The following POFUT3 variants were observed in gnomAD, a reference collection of about 807,000 sequenced individuals.
POFUT3 encodes the protein protein O-fucosyltransferase 3.
chr8:33,416,368 C>T, the POFUT3 span, among the ~76,000 whole-genome samples: 11 of 152,146 alleles, frequency 7.2e-5, no homozygotes, highest in Admixed American at 2.0e-4. Context: ...TTTGGGAGGC[C>T]GAGGCAGGCA....
chr8:33,324,369 G>A, the POFUT3 span, among the ~76,000 whole-genome samples: 3 of 152,074 alleles, frequency 2.0e-5, no homozygotes, highest in Non-Finnish European at 4.4e-5. Context: ...GGTCTGCCTC[G>A]ATATTGTAAT....
the POFUT3 span, among the ~76,000 whole-genome samples, chr8:33,458,206 C>T: frequency 5.9e-5 from 9 of 152,014 alleles, no homozygotes; most frequent in Non-Finnish European, 2.9e-5. Context: ...AGAGAGGCCA[C>T]AGAAGAAAGA....
the POFUT3 span, among the ~76,000 whole-genome samples, chr8:33,402,283 A>G: frequency 4.6e-5 from 7 of 152,326 alleles, no homozygotes; most frequent in South Asian, 4.1e-4. Context: ...ATACCAACCG[A>G]ATGCTTTTTT....
At chr8:33,372,269 A>C in the POFUT3 span, 3 of 1,083,140 alleles carry the variant, frequency 2.8e-6, no homozygotes, top group Non-Finnish European at 1.1e-6. Context: ...CCTCCATTGC[A>C]CAAGGAAAGT....
At chr8:33,418,257 AACCATAGC>A in the POFUT3 span, among the ~76,000 whole-genome samples, 12 of 152,176 alleles carry the variant, frequency 7.9e-5, no homozygotes, top group Non-Finnish European at 1.3e-4. Flanking sequence ...ACCACCGCTG[AACCATAGC>A]ACAGCCTCCA....
chr8:33,447,110 A>G, the POFUT3 span, among the ~76,000 whole-genome samples: 1 of 152,164 alleles, frequency 6.6e-6, no homozygotes, highest in African/African-American at 2.4e-5. Flanking sequence ...GACCTTTTCA[A>G]CCAGAACACC....
At chr8:33,397,455 T>C in the POFUT3 span, among the ~76,000 whole-genome samples, 2 of 152,152 alleles carry the variant, frequency 1.3e-5, no homozygotes, top group Non-Finnish European at 2.9e-5. Flanking sequence ...TCTGCCCAGC[T>C]CATGTCACCA....
chr8:33,453,026 C>A, the POFUT3 span: 1 of 572,276 alleles, frequency 1.7e-6, no homozygotes, highest in African/African-American at 1.9e-5. Flanking sequence ...AGCCACCACG[C>A]CCGGCCAGGC....
At chr8:33,402,031 A>T in the POFUT3 span, among the ~76,000 whole-genome samples, 1 of 152,138 alleles carries the variant, frequency 6.6e-6, no homozygotes, top group African/African-American at 2.4e-5. Context: ...GTCTCCAAAA[A>T]AAAAAGAAAA....
the POFUT3 span, among the ~76,000 whole-genome samples, chr8:33,437,037 TC>T: frequency 6.6e-6 from 1 of 152,192 alleles, no homozygotes; most frequent in South Asian, 2.1e-4. Flanking sequence ...TAATTCTAAT[TC>T]GCTTAGGATA....
the POFUT3 span, among the ~76,000 whole-genome samples, chr8:33,386,137 C>T: frequency 3.6e-5 from 5 of 137,142 alleles, no homozygotes; most frequent in East Asian, 2.1e-4. Context: ...TGCAGTGAGC[C>T]GAGATCACGC....
At chr8:33,445,830 A>G in the POFUT3 span, among the ~76,000 whole-genome samples, 2 of 152,164 alleles carry the variant, frequency 1.3e-5, no homozygotes, top group African/African-American at 4.8e-5. Context: ...GCAGCTTCCT[A>G]GGAAAAGAAA....
At chr8:33,329,440 T>C in the POFUT3 span, among the ~76,000 whole-genome samples, 1 of 152,330 alleles carries the variant, frequency 6.6e-6, no homozygotes, top group South Asian at 2.1e-4. Flanking sequence ...GGCTGTTACC[T>C]TTATGCAGGA....
the POFUT3 span, among the ~76,000 whole-genome samples, chr8:33,379,364 T>C: frequency 2.0e-5 from 3 of 150,292 alleles, no homozygotes; most frequent in South Asian, 2.1e-4. Flanking sequence ...TTGGTCTCTA[T>C]GCTTTTGTAC....
chr8:33,333,562 A>G, the POFUT3 span, among the ~76,000 whole-genome samples: 1 of 152,210 alleles, frequency 6.6e-6, no homozygotes, highest in Admixed American at 6.5e-5. Flanking sequence ...ATGTGGCAAC[A>G]GAAGAGCTGG....
chr8:33,460,746 G>A, the POFUT3 span: 17 of 985,192 alleles, frequency 1.7e-5, no homozygotes, highest in East Asian at 1.1e-4. Flanking sequence ...TGCCTGACAC[G>A]TCCATTCACT....
chr8:33,453,379 G>C, the POFUT3 span: 49 of 1,614,008 alleles, frequency 3.0e-5, no homozygotes, highest in East Asian at 1.0e-3. Context: ...TTCTTTTCCT[G>C]TTGAAGGTCA....
At chr8:33,433,822 A>C in the POFUT3 span, among the ~76,000 whole-genome samples, 1 of 151,828 alleles carries the variant, frequency 6.6e-6, no homozygotes, top group South Asian at 2.1e-4. Flanking sequence ...TAAAAAATTA[A>C]CTAGGCATGG....
chr8:33,419,245 T>C, the POFUT3 span, among the ~76,000 whole-genome samples: 1 of 152,148 alleles, frequency 6.6e-6, no homozygotes, highest in African/African-American at 2.4e-5. Flanking sequence ...ACCTAACACA[T>C]AGAATAGTAG....
Sources: allele counts gnomAD v4.1 joint callset (sites outside exome capture counted in the v4.1 genomes callset), GRCh38; gene constraint gnomAD v4.1.1; transcripts MANE v1.5; gene names NCBI Gene and HGNC (gene_info 2026-07-23, HGNC 2026-07-21).